DEF8: variants seen among roughly 807,000 people sequenced by gnomAD.
DEF8 encodes the protein DEF-8.
In DEF8, 38 loss-of-function variants were observed where a neutral mutation model predicts 59.1. That is an observed-to-expected ratio of 0.64 (90% CI 0.50 to 0.84). DEF8 has a LOEUF of 0.84. Ranked by LOEUF, DEF8 falls within the 40% of genes least tolerant of loss-of-function variation. The pLI, the probability that DEF8 is intolerant of heterozygous loss-of-function variation, is 0.00. For missense variants in DEF8, 557 were observed against 615.2 expected (o/e 0.91, Z 1.00); for synonymous variants, 265 against 250.1 (o/e 1.06, Z -0.56).
intron 2 of DEF8, among the ~76,000 whole-genome samples, chr16:89,952,865 T>C (rs1321698026): frequency 1.3e-5 from 2 of 152,184 alleles, no homozygotes; most frequent in Non-Finnish European, 2.9e-5. Flanking sequence ...CCATAGGTGG[T>C]GTGGAGTCTT....
At chr16:89,953,241 A>T (rs1259322178) in intron 2 of DEF8, among the ~76,000 whole-genome samples, 1 of 152,234 alleles carries the variant, frequency 6.6e-6, no homozygotes, top group African/African-American at 2.4e-5. Flanking sequence ...AGTCTCTGTT[A>T]ACTCATTTCA....
intron 11 of DEF8, 36 bp downstream of exon 11, chr16:89,964,346 C>A: frequency 6.4e-7 from 1 of 1,558,858 alleles, no homozygotes; most frequent in African/African-American, 1.4e-5. Flanking sequence ...TTCTCCAACC[C>A]CAGCCCTGAG....
chr16:89,950,700 C>G (rs1226000114), intron 2 of DEF8, among the ~76,000 whole-genome samples: 4 of 152,110 alleles, frequency 2.6e-5, no homozygotes, highest in Non-Finnish European at 5.9e-5. Flanking sequence ...CAGTAATAGG[C>G]CAGGCATGGT....
At chr16:89,960,360 C>G (rs895438605) in intron 6 of DEF8, among the ~76,000 whole-genome samples, 3 of 151,908 alleles carry the variant, frequency 2.0e-5, no homozygotes, top group Admixed American at 2.0e-4. Context: ...AGAAAATAGT[C>G]TGACTGAGTG....
chr16:89,960,892 C>G, intron 6 of DEF8, 39 bp from the exon 7 acceptor site: 1 of 1,597,776 alleles, frequency 6.3e-7, no homozygotes, highest in Non-Finnish European at 8.6e-7. Context: ...GCAGGCGCAC[C>G]CTTCCCGCTT....
chr16:89,953,523 G>A (rs987654040), intron 2 of DEF8, among the ~76,000 whole-genome samples: 2 of 152,214 alleles, frequency 1.3e-5, no homozygotes, highest in South Asian at 2.1e-4. Context: ...GCACAGAGCC[G>A]TGGGCCTGGT....
At chr16:89,959,737 T>A (rs2033772908) in intron 6 of DEF8, among the ~76,000 whole-genome samples, 2 of 152,250 alleles carry the variant, frequency 1.3e-5, no homozygotes, top group African/African-American at 4.8e-5. Flanking sequence ...GATCTTGTGT[T>A]CCGTCCACCT....
intron 2 of DEF8, among the ~76,000 whole-genome samples, chr16:89,951,007 A>G (rs1364701297): frequency 6.6e-6 from 1 of 152,238 alleles, no homozygotes; most frequent in African/African-American, 2.4e-5. Context: ...GATAAATTAT[A>G]ATCAATATTT....
At chr16:89,949,629 G>C (rs368278190) in intron 2 of DEF8, 116 bp downstream of exon 2, 1 of 1,611,808 alleles carries the variant, frequency 6.2e-7, no homozygotes, top group South Asian at 1.1e-5. Flanking sequence ...GGCAGGACGC[G>C]GGAGGCCAGG....
chr16:89,964,862 C>G (rs1166200352), intron 12 of DEF8, among the ~76,000 whole-genome samples: 3 of 152,346 alleles, frequency 2.0e-5, no homozygotes, highest in East Asian at 1.9e-4. Context: ...AGCTTGGTCT[C>G]TGATGTGTTC....
At chr16:89,953,750 G>A (rs1013565015) in intron 2 of DEF8, among the ~76,000 whole-genome samples, 2 of 152,196 alleles carry the variant, frequency 1.3e-5, no homozygotes, top group African/African-American at 4.8e-5. Context: ...CAGGGGCTGT[G>A]GTTTCAGGGT....
intron 10 of DEF8, 112 bp from the exon 11 acceptor site, chr16:89,964,058 T>C: frequency 1.4e-6 from 2 of 1,412,216 alleles, no homozygotes; most frequent in Non-Finnish European, 2.0e-6. Flanking sequence ...CAGACCCTTG[T>C]GTAGCTCGTT....
intron 2 of DEF8, among the ~76,000 whole-genome samples, chr16:89,951,019 T>G (rs1326442007): frequency 6.6e-6 from 1 of 152,222 alleles, no homozygotes; most frequent in African/African-American, 2.4e-5. Context: ...TCAATATTTA[T>G]TGGGTGCTTA....
At chr16:89,955,296 G>T (rs1452105962) in intron 4 of DEF8, 30 bp downstream of exon 4, 3 of 1,589,100 alleles carry the variant, frequency 1.9e-6, no homozygotes, top group Admixed American at 1.7e-5. Flanking sequence ...AGGGGAGAGG[G>T]ACTGAGGGAA....
intron 10 of DEF8, chr16:89,963,958 G>T (rs1454148158): frequency 3.0e-6 from 2 of 669,836 alleles, no homozygotes; most frequent in Non-Finnish European, 5.5e-6. Flanking sequence ...AGGGAGTGGA[G>T]GGCGGGGGGC....
chr16:89,957,619 G>A lies in DEF8; in HGVS notation c.331G>A (p.Val111Met), dbSNP rs1158160149. The A allele has an allele frequency of 6.3e-7, 1 of 1,577,792 alleles. No individual in the cohort carries two copies. Among genetic ancestry groups the A allele is most frequent in the Non-Finnish European group, 8.6e-7 (1 of 1,162,176 alleles). The change falls in exon 5 of 13, where the codon GTG becomes ATG. Residue 111 changes from valine to methionine, a missense_variant. By Grantham distance (21) the Val-to-Met change is conservative. Coordinates refer to ENST00000563594, the MANE Select transcript of DEF8 (RefSeq NM_001242818.2). ...EQSEKQKDAV[V>M]RLIHLRLKLQ... The stretch of plus-strand genomic sequence containing the variant: ...GTCGGAGAAGCAGAAGGATGCCGTG[G>A]TGCGACTCATCCACCTCCGGCTGAA...
chr16:89,961,602 T>C (rs2034032837), intron 7 of DEF8, 135 bp from the exon 8 acceptor site: 17 of 1,095,094 alleles, frequency 1.6e-5, no homozygotes, highest in Non-Finnish European at 2.1e-5. Flanking sequence ...CCACCTGAGG[T>C]CTTCCGGCTG....
chr16:89,963,915 C>T (rs1031405974), intron 10 of DEF8: 2 of 572,678 alleles, frequency 3.5e-6, no homozygotes, highest in Non-Finnish European at 3.2e-6. Context: ...GTGGGGAGTG[C>T]GGGGATGCGG....
At chr16:89,961,453 T>A (rs979197103) in intron 7 of DEF8, among the ~76,000 whole-genome samples, 1 of 152,216 alleles carries the variant, frequency 6.6e-6, no homozygotes, top group African/African-American at 2.4e-5. Flanking sequence ...TGTCGCCCAG[T>A]TGTGCACATG....
Sources: allele counts gnomAD v4.1 joint callset (sites outside exome capture counted in the v4.1 genomes callset), GRCh38; gene constraint gnomAD v4.1.1; transcripts MANE v1.5; gene names NCBI Gene and HGNC (gene_info 2026-07-23, HGNC 2026-07-21).